FRMD4A: variants seen among roughly 807,000 people sequenced by gnomAD.
FRMD4A encodes FERM domain-containing protein 4A.
Under a neutral mutation model 129.1 loss-of-function variants are expected in FRMD4A, and 29 were observed. That is an observed-to-expected ratio of 0.22 (90% CI 0.17 to 0.31). The LOEUF is 0.31. Ranked by LOEUF, FRMD4A falls within the 10% of genes least tolerant of loss-of-function variation. The pLI is 1.00. For missense variants in FRMD4A, 1,272 were observed against 1,375.8 expected, an observed-to-expected ratio of 0.92 and a Z score of 1.19; for synonymous variants, 634 against 571.6, an observed-to-expected ratio of 1.11 and a Z score of -1.56.
chr10:14,329,829 T>C (rs1340711342), intron 2 of FRMD4A, among the ~76,000 whole-genome samples: 1 of 152,230 alleles, frequency 6.6e-6, no homozygotes, highest in African/African-American at 2.4e-5. Flanking sequence ...GCTCTCAAAA[T>C]AGCATTCAGC....
chr10:14,210,201 C>T (rs1187542425), intron 2 of FRMD4A, among the ~76,000 whole-genome samples: 1 of 152,086 alleles, frequency 6.6e-6, no homozygotes, highest in Non-Finnish European at 1.5e-5. Context: ...GGAGATAAGG[C>T]CTTTGGGAAG....
chr10:13,693,914 G>A lies in FRMD4A; in HGVS notation c.1101C>T (p.Gly367=), dbSNP rs142695022. The part of the protein sequence containing the change: ...SKGKIISGSS[G]SLLSSGSQES... Reference sequence around the variant, plus strand: ...TCTGCCTACCTGAAGACAGCAGGCTGCCGCTGCTGCCGCTGATGATCTTCC... The same window carrying A: ...TCTGCCTACCTGAAGACAGCAGGCTACCGCTGCTGCCGCTGATGATCTTCC... Residue 367 remains glycine, a synonymous_variant, in exon 15 of 25, where the codon GGC becomes GGT. Coordinates refer to ENST00000357447, the MANE Select transcript of FRMD4A (RefSeq NM_018027.5). The A allele has an allele frequency of 1.9e-6, 3 of 1,607,522 alleles. No homozygotes were observed. Among genetic ancestry groups the A allele is most frequent in the Non-Finnish European group, 2.5e-6 (3 of 1,177,764 alleles).
At chr10:13,906,688 G>A (rs1358247650) in intron 2 of FRMD4A, among the ~76,000 whole-genome samples, 2 of 152,128 alleles carry the variant, frequency 1.3e-5, no homozygotes, top group Admixed American at 6.5e-5. Context: ...GACCCCGGGT[G>A]AATTACATCT....
intron 2 of FRMD4A, among the ~76,000 whole-genome samples, chr10:14,004,544 GA>G (rs571946533): frequency 1.3e-5 from 2 of 151,160 alleles, no homozygotes; most frequent in East Asian, 1.9e-4. Context: ...TCTGTCTCAA[GA>G]AAAAAACAAA....
At chr10:13,726,985 C>T (rs2089942693) in intron 12 of FRMD4A, among the ~76,000 whole-genome samples, 1 of 152,178 alleles carries the variant, frequency 6.6e-6, no homozygotes, top group Non-Finnish European at 1.5e-5. Flanking sequence ...CCACTGCAAC[C>T]TCTGCCTCCC....
intron 2 of FRMD4A, among the ~76,000 whole-genome samples, chr10:14,238,303 G>A (rs573677427): frequency 1.1e-4 from 16 of 152,284 alleles, no homozygotes; most frequent in Admixed American, 1.0e-3. Flanking sequence ...TGTCTAAAAT[G>A]TTCCGGCACT....
At chr10:13,814,794 A>C (rs780849211) in intron 3 of FRMD4A, among the ~76,000 whole-genome samples, 6 of 152,052 alleles carry the variant, frequency 3.9e-5, no homozygotes, top group Non-Finnish European at 7.4e-5. Flanking sequence ...GTGCTGGCAT[A>C]GTTTATCTAG....
At chr10:13,932,781 C>T (rs908055641) in intron 2 of FRMD4A, among the ~76,000 whole-genome samples, 8 of 152,066 alleles carry the variant, frequency 5.3e-5, no homozygotes, top group Non-Finnish European at 1.0e-4. Context: ...TAAAAAATAG[C>T]CCAAGCACAA....
intron 2 of FRMD4A, among the ~76,000 whole-genome samples, chr10:14,303,083 G>A (rs914587558): frequency 1.3e-5 from 2 of 152,202 alleles, no homozygotes; most frequent in Non-Finnish European, 2.9e-5. Context: ...GGCCTCAGCT[G>A]CATGGTAGAA....
intron 2 of FRMD4A, among the ~76,000 whole-genome samples, chr10:13,955,211 G>A (rs1226834815): frequency 6.0e-5 from 9 of 149,692 alleles, no homozygotes; most frequent in East Asian, 4.0e-4. Flanking sequence ...GGGTTCAAGC[G>A]ATTCTTGCAC....
At position 13,656,627 on chromosome 10, in the gene FRMD4A, C is replaced by G; in HGVS notation, c.2953+9G>C. ...GTCTTCCCGCGTGCACCTGGCCGCC[C>G]CCTCTCACCTGACGTGGCCTTGCAC... On this transcript the variant is annotated intron_variant, in intron 22 of 24. Transcript: ENST00000357447. The G allele has an allele frequency of 1.4e-6, 2 of 1,397,004 alleles. No individual in the cohort carries two copies. Among genetic ancestry groups the G allele is most frequent in the Non-Finnish European group, 1.9e-6 (2 of 1,067,336 alleles). 86.5% of individuals were successfully genotyped at this position (1,397,004 alleles called of 1,614,324 possible).
At chr10:13,799,937 T>A (rs1256422420) in intron 4 of FRMD4A, among the ~76,000 whole-genome samples, 1 of 152,038 alleles carries the variant, frequency 6.6e-6, no homozygotes. Flanking sequence ...CCCAGCACTT[T>A]GGGAGGCTGA....
At chr10:13,896,008 G>T (rs1564993838) in intron 2 of FRMD4A, among the ~76,000 whole-genome samples, 1 of 152,214 alleles carries the variant, frequency 6.6e-6, no homozygotes, top group Non-Finnish European at 1.5e-5. Context: ...TTATTAAAAA[G>T]TCAGGAAACA....
chr10:13,973,054 C>G (rs996944480), intron 2 of FRMD4A, among the ~76,000 whole-genome samples: 1 of 152,208 alleles, frequency 6.6e-6, no homozygotes, highest in Non-Finnish European at 1.5e-5. Flanking sequence ...TCTGTGTGGC[C>G]TCAGACAAAT....
chr10:13,767,171 C>T (rs79207219), intron 6 of FRMD4A, among the ~76,000 whole-genome samples: 232 of 152,270 alleles, frequency 1.5e-3, no homozygotes, highest in African/African-American at 5.2e-3. Flanking sequence ...GAAATGTGCT[C>T]CCATATGACA....
At chr10:14,216,476 G>A (rs1265004802) in intron 2 of FRMD4A, among the ~76,000 whole-genome samples, 1 of 152,120 alleles carries the variant, frequency 6.6e-6, no homozygotes, top group Non-Finnish European at 1.5e-5. Flanking sequence ...TTCAAGACCA[G>A]CCTGACCAAC....
chr10:14,270,487 G>A (rs1355719103), intron 2 of FRMD4A, among the ~76,000 whole-genome samples: 1 of 152,158 alleles, frequency 6.6e-6, no homozygotes, highest in Non-Finnish European at 1.5e-5. Flanking sequence ...TCTTCTTAGT[G>A]GGAAATTCCT....
chr10:13,971,108 GTGCACACA>G (rs1416905364), intron 2 of FRMD4A, among the ~76,000 whole-genome samples: 1 of 151,948 alleles, frequency 6.6e-6, no homozygotes, highest in African/African-American at 2.4e-5. Context: ...ACACACACAC[GTGCACACA>G]TGCACACACG....
chr10:14,243,866 GCAATCTAATT>G (rs1844141416), intron 2 of FRMD4A, among the ~76,000 whole-genome samples: 1 of 149,846 alleles, frequency 6.7e-6, no homozygotes, highest in African/African-American at 2.4e-5. Flanking sequence ...CCCCAGGACT[GCAATCTAATT>G]ACATTCAAAT....
Sources: allele counts gnomAD v4.1 joint callset (sites outside exome capture counted in the v4.1 genomes callset), GRCh38; gene constraint gnomAD v4.1.1; transcripts MANE v1.5; gene names NCBI Gene and HGNC (gene_info 2026-07-23, HGNC 2026-07-21).